The following CBLN2 variants were observed in gnomAD, a reference collection of about 807,000 sequenced individuals.
The protein encoded by CBLN2 is cerebellin-2.
CBLN2 carries 7 observed loss-of-function variants against 15.0 expected under a neutral mutation model. The observed-to-expected ratio is 0.47, with a 90% CI of 0.27 to 0.88. The LOEUF is 0.88. CBLN2 is among the 40% of genes least tolerant of loss of function. CBLN2 has a pLI of 0.14. For missense variants in CBLN2, 242 were observed against 304.5 expected (o/e 0.79, Z 1.53); for synonymous variants, 149 against 135.2 (o/e 1.10, Z -0.71).
At chr18:72,595,273 T>G (rs1324569169) in intron 1 of CBLN2, among the ~76,000 whole-genome samples, 3 of 152,018 alleles carry the variant, frequency 2.0e-5, no homozygotes, top group African/African-American at 4.8e-5. Flanking sequence ...TCTGTCTTAA[T>G]TTTTTTATTG....
intron 1 of CBLN2, among the ~76,000 whole-genome samples, chr18:72,551,345 T>C (rs1312482066): frequency 6.6e-6 from 1 of 152,230 alleles, no homozygotes; most frequent in South Asian, 2.1e-4. Context: ...TGTTTTGGTT[T>C]ATAGAGGTTT....
chr18:72,555,951 T>C (rs1365679244), intron 1 of CBLN2, among the ~76,000 whole-genome samples: 1 of 152,150 alleles, frequency 6.6e-6, no homozygotes, highest in Non-Finnish European at 1.5e-5. Flanking sequence ...TTCCTGTTTC[T>C]GTGGCTCTGG....
chr18:72,559,319 G>A (rs1568255158), intron 1 of CBLN2, among the ~76,000 whole-genome samples: 2 of 152,174 alleles, frequency 1.3e-5, no homozygotes, highest in African/African-American at 4.8e-5. Flanking sequence ...CAATTTCTCT[G>A]TAGCTGTGGA....
At chr18:72,582,394 C>T (rs547622249) in intron 1 of CBLN2, among the ~76,000 whole-genome samples, 4 of 152,238 alleles carry the variant, frequency 2.6e-5, no homozygotes, top group South Asian at 2.1e-4. Context: ...AGGTAATTGG[C>T]TTCTATCACT....
chr18:72,561,650 C>T (rs546351469), intron 1 of CBLN2, among the ~76,000 whole-genome samples: 4 of 152,312 alleles, frequency 2.6e-5, no homozygotes, highest in African/African-American at 9.6e-5. Context: ...CAGAAATTAT[C>T]ACACCACCAC....
intron 1 of CBLN2, among the ~76,000 whole-genome samples, chr18:72,602,440 T>G (rs540255582): frequency 6.6e-6 from 1 of 152,250 alleles, no homozygotes; most frequent in South Asian, 2.1e-4. Flanking sequence ...TCAACATTCT[T>G]TTCTACCTTT....
chr18:72,562,733 A>G (rs2069269767), intron 1 of CBLN2, among the ~76,000 whole-genome samples: 1 of 152,232 alleles, frequency 6.6e-6, no homozygotes, highest in Admixed American at 6.5e-5. Context: ...GCAGTTTAAA[A>G]TGTTAGTCTG....
chr18:72,594,426 A>G (rs2069500021), intron 1 of CBLN2, among the ~76,000 whole-genome samples: 1 of 150,810 alleles, frequency 6.6e-6, no homozygotes, highest in South Asian at 2.1e-4. Flanking sequence ...TTCATCATGG[A>G]TATTGTCCTG....
intron 1 of CBLN2, among the ~76,000 whole-genome samples, chr18:72,617,100 A>T (rs2051770259): frequency 6.6e-6 from 1 of 152,208 alleles, no homozygotes; most frequent in Non-Finnish European, 1.5e-5. Context: ...AATATACTTT[A>T]AAAACACGTT....
chr18:72,593,876 A>G (rs1428641272), intron 1 of CBLN2, among the ~76,000 whole-genome samples: 2 of 152,206 alleles, frequency 1.3e-5, no homozygotes, highest in Non-Finnish European at 2.9e-5. Flanking sequence ...AAGACTTGGA[A>G]CCAACCCAAA....
intron 1 of CBLN2, among the ~76,000 whole-genome samples, chr18:72,593,424 T>C (rs895300748): frequency 2.6e-5 from 4 of 152,168 alleles, no homozygotes; most frequent in Non-Finnish European, 4.4e-5. Context: ...ATCTTTAGGT[T>C]TTTCCAAATA....
chr18:72,624,316 T>G (rs1599028408), intron 1 of CBLN2, among the ~76,000 whole-genome samples: 1 of 152,078 alleles, frequency 6.6e-6, no homozygotes, highest in South Asian at 2.1e-4. Flanking sequence ...AAACCGCATG[T>G]TTTTTCCCTC....
chr18:72,597,005 T>G (rs1477398420), intron 1 of CBLN2, among the ~76,000 whole-genome samples: 1 of 152,244 alleles, frequency 6.6e-6, no homozygotes, highest in African/African-American at 2.4e-5. Flanking sequence ...ATAAATTTTC[T>G]ACCCCTATCT....
chr18:72,577,021 GATAT>G (rs1385534017), intron 1 of CBLN2, among the ~76,000 whole-genome samples: 1 of 102,384 alleles, frequency 9.8e-6, no homozygotes, highest in African/African-American at 3.5e-5. Flanking sequence ...TATATAATGT[GATAT>G]ATATAATGTA....
At chr18:72,600,358 A>G (rs1599017651) in intron 1 of CBLN2, among the ~76,000 whole-genome samples, 1 of 152,326 alleles carries the variant, frequency 6.6e-6, no homozygotes, top group East Asian at 1.9e-4. Context: ...TGATTCATAT[A>G]GGAATGGGGC....
intron 1 of CBLN2, among the ~76,000 whole-genome samples, chr18:72,564,039 C>G (rs2069278359): frequency 1.3e-5 from 2 of 152,162 alleles, no homozygotes; most frequent in Non-Finnish European, 2.9e-5. Flanking sequence ...GTAAAACGTA[C>G]CTGCAGGTGG....
chr18:72,634,915 T>C (rs899216958), intron 1 of CBLN2, among the ~76,000 whole-genome samples: 2 of 152,164 alleles, frequency 1.3e-5, no homozygotes, highest in Non-Finnish European at 1.5e-5. Flanking sequence ...CACGCAGTTT[T>C]TGTTTTCTAG....
intron 1 of CBLN2, among the ~76,000 whole-genome samples, chr18:72,625,808 CTCTCTCTCTCTATATA>C (rs1170668910): frequency 0.033 from 2,101 of 64,592 alleles, 35 homozygotes; most frequent in African/African-American, 0.069. Flanking sequence ...CTCTCTCTCT[CTCTCTCTCTCTATATA>C]TATATATATA....
chr18:72,557,801 A>G (rs2069235849), intron 1 of CBLN2, among the ~76,000 whole-genome samples: 1 of 152,224 alleles, frequency 6.6e-6, no homozygotes, highest in African/African-American at 2.4e-5. Context: ...TAGCTAATGC[A>G]TGCTCGACTT....
Sources: allele counts gnomAD v4.1 joint callset (sites outside exome capture counted in the v4.1 genomes callset), GRCh38; gene constraint gnomAD v4.1.1; transcripts MANE v1.5; gene names NCBI Gene and HGNC (gene_info 2026-07-23, HGNC 2026-07-21).